MYDGF: variants seen among roughly 807,000 people sequenced by gnomAD.
MYDGF encodes myeloid-derived growth factor.
A neutral mutation model predicts 24.2 loss-of-function variants in MYDGF; 29 were observed. The ratio of observed to expected loss-of-function variants is 1.20; its 90% confidence interval spans 0.89 to 1.63. MYDGF has a LOEUF of 1.63. Among genes scored for constraint, MYDGF ranks in the 40% most tolerant of loss-of-function variants. The pLI, the probability that MYDGF is intolerant of heterozygous loss-of-function variation, is 0.00. For missense variants in MYDGF, 245 were observed against 234.8 expected, an observed-to-expected ratio of 1.04 and a Z score of -0.29; for synonymous variants, 105 against 102.5, an observed-to-expected ratio of 1.02 and a Z score of -0.15.
chr19:4,670,342 T>C lies in MYDGF; in HGVS notation c.-8A>G, dbSNP rs1401030023. The C allele has an allele frequency of 1.0e-5, 15 of 1,431,434 alleles. No homozygotes were observed. Among genetic ancestry groups the C allele is most frequent in the Non-Finnish European group, 1.4e-5 (15 of 1,089,474 alleles). 88.7% of individuals were successfully genotyped at this position (1,431,434 alleles called of 1,614,324 possible). On this transcript the variant is annotated 5_prime_UTR_variant, in exon 1 of 6. Transcript: ENST00000262947. ...TCCGCTGGGCGCCGCCATGTTGGAC[T>C]AGGGTCCTCAGGGCAGGGGCGGGTA...
At chr19:4,661,129 A>G (rs1475227115) in intron 3 of MYDGF, among the ~76,000 whole-genome samples, 1 of 151,440 alleles carries the variant, frequency 6.6e-6, no homozygotes, top group East Asian at 1.9e-4. Context: ...ACCACATCTG[A>G]CTAATTTTGG....
At chr19:4,665,144 C>T (rs2088510757) in intron 2 of MYDGF, among the ~76,000 whole-genome samples, 1 of 152,230 alleles carries the variant, frequency 6.6e-6, no homozygotes, top group African/African-American at 2.4e-5. Flanking sequence ...ACATCCTTCC[C>T]ATAAAAGTGG....
At chr19:4,669,047 G>C (rs921402363) in intron 1 of MYDGF, among the ~76,000 whole-genome samples, 4 of 152,004 alleles carry the variant, frequency 2.6e-5, no homozygotes, top group Non-Finnish European at 5.9e-5. Flanking sequence ...TTTGCCATGG[G>C]ACCTGGACAA....
At chr19:4,663,859 G>T (rs908932271) in intron 3 of MYDGF, among the ~76,000 whole-genome samples, 1 of 136,690 alleles carries the variant, frequency 7.3e-6, no homozygotes, top group Non-Finnish European at 1.5e-5. Context: ...TTCAATCTGC[G>T]CCCCACCCCC....
chr19:4,666,385 C>T (rs1015413891), intron 2 of MYDGF, among the ~76,000 whole-genome samples: 3 of 151,842 alleles, frequency 2.0e-5, no homozygotes, highest in African/African-American at 7.2e-5. Flanking sequence ...AAGCGATTCT[C>T]CTGCCTCAGC....
At chr19:4,669,606 C>G (rs887159772) in intron 1 of MYDGF, among the ~76,000 whole-genome samples, 1 of 152,092 alleles carries the variant, frequency 6.6e-6, no homozygotes, top group African/African-American at 2.4e-5. Context: ...AAGAAATAGT[C>G]AAAAAACAGT....
At chr19:4,658,105 G>A in intron 5 of MYDGF, 21 bp from the exon 6 acceptor site, 1 of 1,598,794 alleles carries the variant, frequency 6.3e-7, no homozygotes. Flanking sequence ...GAAACACATG[G>A]TTGGGCCCTC....
chr19:4,664,945 G>A lies in MYDGF; in HGVS notation c.226-8C>T. ...CAGACTCATCTGCCATTGCTGGGGA[G>A]AGAAGACAGCGCGGGTCAGCCCCGG... On this transcript the variant is annotated splice_region_variant and splice_polypyrimidine_tract_variant and intron_variant, in intron 2 of 5. Transcript: ENST00000262947. 14 of 1,612,580 alleles carry A rather than the reference G, an allele frequency of 8.7e-6. No individual in the cohort carries two copies. The highest frequency in any genetic ancestry group is 1.2e-5 in the Non-Finnish European group (14 of 1,179,690).
In MYDGF at chr19:4,670,219, G is replaced by A. The variant is rs766836240; in HGVS notation, c.116C>T (p.Ala39Val). The A allele has an allele frequency of 1.0e-5, 16 of 1,563,122 alleles. No homozygotes were observed. In the African/African-American group the frequency reaches 2.0e-4, roughly 19 times the overall value. Residue 39 changes from alanine to valine, a missense_variant, in exon 1 of 6, where the codon GCG becomes GTG. Physicochemically the swap from Ala to Val is moderately conservative, Grantham distance 64 (BLOSUM62 0). Transcript: ENST00000262947. ...GACGCCGCCGGGCCGCACGTCAAAC[G>A]CCACCGTCGTGGGCTCGGACACCGC... ...AEAVSEPTTV[A>V]FDVRPGGVVH...
chr19:4,665,698 G>A (rs2088514870), intron 2 of MYDGF, among the ~76,000 whole-genome samples: 1 of 151,740 alleles, frequency 6.6e-6, no homozygotes, highest in African/African-American at 2.4e-5. Flanking sequence ...GTGGGCGCCT[G>A]TAGTCCCAGC....
At position 4,658,017 on chromosome 19, in the gene MYDGF, G is replaced by A. The variant is rs1306457279; in HGVS notation, c.510C>T (p.Arg170=). The A allele has an allele frequency of 1.2e-6, 2 of 1,610,478 alleles. No homozygotes were observed. The highest frequency in any genetic ancestry group is 2.2e-5 in the South Asian group (2 of 90,306). ...ACAGGGCTGCTGGTCACAGCTCAGT[G>A]CGCGATGCCTTGGCCACAATCACCA... ...SKLVIVAKAS[R]TEL is the part of the protein sequence containing the mutation. Residue 170 remains arginine (R), a synonymous_variant, in exon 6 of 6, where the codon CGC becomes CGT. Coordinates refer to ENST00000262947, the MANE Select transcript of MYDGF (RefSeq NM_019107.4).
At chr19:4,664,803 T>C in intron 3 of MYDGF, 73 bp downstream of exon 3, 1 of 1,546,430 alleles carries the variant, frequency 6.5e-7, no homozygotes, top group Non-Finnish European at 8.8e-7. Flanking sequence ...GTTCCCTGCC[T>C]TCCAAAGCAG....
At chr19:4,666,726 C>T (rs2088524374) in intron 2 of MYDGF, among the ~76,000 whole-genome samples, 1 of 152,184 alleles carries the variant, frequency 6.6e-6, no homozygotes, top group African/African-American at 2.4e-5. Context: ...GGATTGTCAA[C>T]TCCACACGTC....
At chr19:4,669,292 G>A (rs562488189) in intron 1 of MYDGF, among the ~76,000 whole-genome samples, 2 of 152,298 alleles carry the variant, frequency 1.3e-5, no homozygotes, top group South Asian at 4.1e-4. Flanking sequence ...TGGCTAACAT[G>A]GTGAAATCCC....
intron 1 of MYDGF, among the ~76,000 whole-genome samples, chr19:4,669,213 C>T (rs1052669715): frequency 2.0e-5 from 3 of 152,246 alleles, no homozygotes; most frequent in African/African-American, 7.2e-5. Context: ...GTGGCTCACG[C>T]CTGTAATCCC....
intron 1 of MYDGF, among the ~76,000 whole-genome samples, chr19:4,669,351 TGCGGCAG>T (rs1784136227): frequency 6.6e-6 from 1 of 152,142 alleles, no homozygotes; most frequent in South Asian, 2.1e-4. Flanking sequence ...CTTGGGAGGC[TGCGGCAG>T]GAGAATGGCA....
At chr19:4,665,272 G>A (rs1226315689) in intron 2 of MYDGF, among the ~76,000 whole-genome samples, 1 of 152,198 alleles carries the variant, frequency 6.6e-6, no homozygotes. Context: ...GCCTGGGCTG[G>A]CGTGCAGTGG....
At chr19:4,658,926 C>T (rs964988634) in intron 5 of MYDGF, among the ~76,000 whole-genome samples, 1 of 151,810 alleles carries the variant, frequency 6.6e-6, no homozygotes, top group African/African-American at 2.4e-5. Context: ...TCTCTGCCTC[C>T]TGAGTAGCTG....
At chr19:4,669,511 G>C (rs1013397846) in intron 1 of MYDGF, among the ~76,000 whole-genome samples, 13 of 152,156 alleles carry the variant, frequency 8.5e-5, no homozygotes, top group Admixed American at 5.9e-4. Context: ...CCAGGTACTG[G>C]GGAGGCTGAG....
Sources: gnomAD v4.1 joint callset for allele counts (sites outside exome capture counted in the v4.1 genomes callset) on GRCh38, gnomAD v4.1.1 for gene constraint, MANE v1.5 for transcripts, NCBI Gene and HGNC (gene_info 2026-07-23, HGNC 2026-07-21) for gene names.